CLOCK: variants seen among roughly 807,000 people sequenced by gnomAD.
CLOCK encodes clock circadian regulator, also known as circadian locomoter output cycles protein kaput.
In CLOCK, 43 loss-of-function variants were observed where a neutral mutation model predicts 118.4. The observed-to-expected ratio is 0.36, with a 90% CI of 0.28 to 0.47. The LOEUF is 0.47. CLOCK is among the 20% of genes least tolerant of loss of function. The pLI is 1.00. For missense variants in CLOCK, 846 were observed against 999.9 expected (o/e 0.85, Z 2.08); for synonymous variants, 326 against 339.2 (o/e 0.96, Z 0.43).
intron 1 of CLOCK, among the ~76,000 whole-genome samples, chr4:55,542,166 C>T (rs1430231830): frequency 3.9e-5 from 5 of 127,566 alleles, no homozygotes; most frequent in Non-Finnish European, 3.5e-5. Flanking sequence ...CATGGAGAAA[C>T]ACCGTTGTCT....
Position 55,455,949 on chromosome 4 carries a change from A to G in CLOCK, c.930T>C (p.Tyr310=). 1 of 1,613,778 alleles carries G rather than the reference A, an allele frequency of 6.2e-7. No individual in the cohort carries two copies. Among genetic ancestry groups the G allele is most frequent in the Non-Finnish European group, 8.5e-7 (1 of 1,179,818 alleles). The change falls in exon 13 of 23, where the codon TAT becomes TAC. Residue 310 remains tyrosine, a synonymous_variant. Transcript: ENST00000513440. ...LPFEVLGTSG[Y]DYYHVDDLEN... is the part of the protein sequence containing the mutation. ...CTAGGTCATCCACATGATAGTAATC[A>G]TAGCCTGATGTTCCCAGAACTTCAA...
intron 18 of CLOCK, 24 bp from the exon 19 acceptor site, chr4:55,444,809 G>C (rs1420463355): frequency 1.2e-6 from 2 of 1,610,820 alleles, no homozygotes; most frequent in East Asian, 4.5e-5. Context: ...TACGGAAAAA[G>C]TGTAATATAT....
In CLOCK at chr4:55,506,431, C is replaced by A. The variant is rs1215519550; in HGVS notation, c.-136+3481G>T. On this transcript the variant is annotated intron_variant, in intron 2 of 22. Transcript: ENST00000513440. ...TTAAAAGTGGAATTCTTAAAAAAAA[C>A]CATATAGGGAAGTTCCATTAAAAAA... 2.0e-5 allele frequency among the ~76,000 whole-genome samples: 3 copies of A among 151,706 alleles called. No individual in the cohort carries two copies. In the East Asian group the frequency reaches 5.8e-4, roughly 29 times the overall value.
intron 1 of CLOCK, among the ~76,000 whole-genome samples, chr4:55,535,117 A>G (rs1448344948): frequency 6.6e-6 from 1 of 151,554 alleles, no homozygotes; most frequent in Non-Finnish European, 1.5e-5. Context: ...TTTTTTGGAG[A>G]GCCAAAGGCC....
intron 1 of CLOCK, among the ~76,000 whole-genome samples, chr4:55,529,310 G>A (rs1037549117): frequency 1.2e-4 from 18 of 152,014 alleles, no homozygotes; most frequent in Non-Finnish European, 2.9e-5. Flanking sequence ...AGACATGCAT[G>A]ACCATGCTCA....
intron 3 of CLOCK, among the ~76,000 whole-genome samples, chr4:55,483,823 G>A (rs1025406636): frequency 2.0e-5 from 3 of 152,168 alleles, no homozygotes; most frequent in African/African-American, 2.4e-5. Context: ...TTACTATAAA[G>A]AGTCTCATAC....
chr4:55,467,900 T>C (rs1016910852), intron 8 of CLOCK, among the ~76,000 whole-genome samples: 1 of 152,214 alleles, frequency 6.6e-6, no homozygotes, highest in Non-Finnish European at 1.5e-5. Flanking sequence ...AAAGTTATTT[T>C]CTGTATGAAC....
chr4:55,442,592 G>C lies in CLOCK; in HGVS notation c.1945C>G (p.Leu649Val), dbSNP rs750872594. The C allele has an allele frequency of 6.2e-6, 10 of 1,612,620 alleles. No homozygotes were observed. The Admixed American group carries it at 1.7e-4, about 27-fold the overall frequency. The change falls in exon 21 of 23, where the codon CTA becomes GTA. Residue 649 changes from leucine to valine, a missense_variant. This residue lies in a region of CLOCK where 520 missense variants were observed against 558.0 expected (regional missense o/e 0.93). Transcript: ENST00000513440. ...VLSGHSQQTS[L>V]PSQTQSTLTA... ...AGAGTGCTCTGTGTCTGACTGGGTA[G>C]AGATGTTTGCTGACTGTGCCCACTC...
chr4:55,534,141 T>G (rs921417071), intron 1 of CLOCK, among the ~76,000 whole-genome samples: 18 of 152,174 alleles, frequency 1.2e-4, no homozygotes, highest in African/African-American at 3.9e-4. Flanking sequence ...CTGAAGTAAT[T>G]AATAATTACA....
At chr4:55,516,669 G>C (rs1424612945) in intron 1 of CLOCK, among the ~76,000 whole-genome samples, 10 of 152,032 alleles carry the variant, frequency 6.6e-5, no homozygotes, top group Non-Finnish European at 1.3e-4. Flanking sequence ...CTTTTAATTG[G>C]TGTGCTGAGA....
intron 2 of CLOCK, among the ~76,000 whole-genome samples, chr4:55,506,809 C>T (rs1253280065): frequency 6.6e-6 from 1 of 152,134 alleles, no homozygotes; most frequent in African/African-American, 2.4e-5. Context: ...GATCCACCCA[C>T]CTCGGCCTTC....
chr4:55,524,479 T>C (rs1730046746), intron 1 of CLOCK, among the ~76,000 whole-genome samples: 1 of 152,298 alleles, frequency 6.6e-6, no homozygotes, highest in Non-Finnish European at 1.5e-5. Flanking sequence ...CAAGAATAAC[T>C]ATATTTATAT....
Position 55,435,602 on chromosome 4 carries a change from AC to A in CLOCK, c.2362-9del. 1 of 1,613,726 alleles carries A rather than the reference AC, an allele frequency of 6.2e-7. No homozygotes were observed. The highest frequency in any genetic ancestry group is 8.5e-7 in the Non-Finnish European group (1 of 1,179,774). On this transcript the variant is annotated splice_polypyrimidine_tract_variant and intron_variant, in intron 22 of 22. Coordinates refer to ENST00000513440, the MANE Select transcript of CLOCK (RefSeq NM_004898.4). ...ATGGAGCAACCTAGAAGTCTAAAAAACAAATGGATTATGCAGCATTGCTTTA... is the reference window on the plus strand; with the variant it reads ...ATGGAGCAACCTAGAAGTCTAAAAAAAAATGGATTATGCAGCATTGCTTTA...
intron 1 of CLOCK, among the ~76,000 whole-genome samples, chr4:55,525,432 AC>A (rs1476640759): frequency 6.6e-6 from 1 of 152,180 alleles, no homozygotes; most frequent in Non-Finnish European, 1.5e-5. Flanking sequence ...CTATGATCAC[AC>A]CACTGCACTC....
intron 14 of CLOCK, 68 bp downstream of exon 14, chr4:55,453,609 A>G (rs1471707829): frequency 5.3e-5 from 75 of 1,427,138 alleles, no homozygotes; most frequent in Non-Finnish European, 6.7e-5. Context: ...CTTACGCATA[A>G]AAGTTACAAT....
chr4:55,473,306 C>T (rs1379985138), intron 7 of CLOCK, among the ~76,000 whole-genome samples: 1 of 151,812 alleles, frequency 6.6e-6, no homozygotes, highest in Non-Finnish European at 1.5e-5. Context: ...CTTCATAATA[C>T]CAGCTATTAT....
intron 1 of CLOCK, among the ~76,000 whole-genome samples, chr4:55,519,243 G>C (rs773472587): frequency 5.9e-5 from 9 of 152,090 alleles, no homozygotes; most frequent in Non-Finnish European, 1.0e-4. Context: ...TTTTTGTAAA[G>C]ACAAGGTCTC....
At chr4:55,509,551 A>C (rs1466123973) in intron 2 of CLOCK, among the ~76,000 whole-genome samples, 2 of 152,212 alleles carry the variant, frequency 1.3e-5, no homozygotes, top group Non-Finnish European at 2.9e-5. Context: ...CAGTCAGCTG[A>C]CACTTTATCT....
At chr4:55,468,897 C>T (rs1009396182) in intron 8 of CLOCK, among the ~76,000 whole-genome samples, 7 of 152,126 alleles carry the variant, frequency 4.6e-5, no homozygotes, top group African/African-American at 1.4e-4. Flanking sequence ...TGAAACATTC[C>T]TACTGTCTAG....
Sources: gnomAD v4.1 joint callset for allele counts (sites outside exome capture counted in the v4.1 genomes callset) on GRCh38, gnomAD v4.1.1 for gene constraint, gnomAD v4.1.1 regional missense constraint, MANE v1.5 for transcripts, NCBI Gene and HGNC (gene_info 2026-07-23, HGNC 2026-07-21) for gene names.